The following GAD1 variants were observed in gnomAD, a reference collection of about 807,000 sequenced individuals.
The protein encoded by GAD1 is 67 kDa glutamic acid decarboxylase.
Under a neutral mutation model 75.2 loss-of-function variants are expected in GAD1, and 35 were observed. The ratio of observed to expected loss-of-function variants is 0.47; its 90% CI spans 0.36 to 0.62. The LOEUF (loss-of-function observed/expected upper bound fraction) is 0.62. Among genes scored for constraint, GAD1 ranks in the 20% least tolerant of loss-of-function variants. The pLI, the probability that GAD1 is intolerant of heterozygous loss-of-function variation, is 0.00. For missense variants in GAD1, 490 were observed against 758.5 expected (o/e 0.65, Z 4.16); for synonymous variants, 257 against 271.9 (o/e 0.95, Z 0.54).
intron 12 of GAD1, chr2:170,852,379 C>A: frequency 2.8e-6 from 1 of 362,602 alleles, no homozygotes; most frequent in Non-Finnish European, 5.2e-6. Context: ...AATATTAGAG[C>A]TAGGACTCAG....
intron 3 of GAD1, among the ~76,000 whole-genome samples, chr2:170,827,411 A>G (rs1200819640): frequency 6.6e-6 from 1 of 152,224 alleles, no homozygotes. Context: ...TTGGGCTAAG[A>G]CTGAGGCTGA....
intron 11 of GAD1, among the ~76,000 whole-genome samples, chr2:170,848,496 C>CA (rs368907107): frequency 0.11 from 6,826 of 63,716 alleles, 330 homozygotes; most frequent in East Asian, 0.36. Flanking sequence ...AACTCTGTCT[C>CA]AAAAAAAAAA....
intron 3 of GAD1, among the ~76,000 whole-genome samples, chr2:170,824,402 CACACACACACACACACA>C (rs1304559297): frequency 3.3e-5 from 5 of 151,402 alleles, no homozygotes; most frequent in East Asian, 2.0e-4. Context: ...CACACACACA[CACACACACACACACACA>C]CCCCTCCCTT....
chr2:170,823,245 T>G (rs1701939176), intron 3 of GAD1, among the ~76,000 whole-genome samples: 1 of 152,196 alleles, frequency 6.6e-6, no homozygotes, highest in Non-Finnish European at 1.5e-5. Flanking sequence ...CCGCCCGCCC[T>G]AGCCCCGGAG....
At chr2:170,829,436 G>C (rs1316800978) in intron 3 of GAD1, 39 bp from the exon 4 acceptor site, 1 of 1,611,220 alleles carries the variant, frequency 6.2e-7, no homozygotes. Flanking sequence ...GGGCTGGGCA[G>C]TTTGCAGCAC....
At chr2:170,852,894 G>C (rs1313133334) in intron 13 of GAD1, 102 bp downstream of exon 13, 1 of 974,038 alleles carries the variant, frequency 1.0e-6, no homozygotes, top group African/African-American at 1.6e-5. Flanking sequence ...GCTGACTCAC[G>C]AGATTGGCAG....
intron 5 of GAD1, among the ~76,000 whole-genome samples, chr2:170,835,298 C>A (rs1380574827): frequency 6.6e-6 from 1 of 152,090 alleles, no homozygotes; most frequent in Non-Finnish European, 1.5e-5. Context: ...AGAGATCTCC[C>A]CCTCCAACTC....
rs1280660110 is a variant in GAD1 at position 170,824,419 on chromosome 2, A to ACACC, written c.145+2271_145+2272insACCC. Among the ~76,000 whole-genome samples, 261 of 115,888 alleles carry ACACC rather than the reference A, an allele frequency of 2.3e-3. 1 individual carries two copies. Among genetic ancestry groups the ACACC allele is most frequent in the Non-Finnish European group, 3.8e-3 (209 of 54,882 alleles). The allele number at this position is 115,888 out of a possible 152,430, so 76.0% of individuals were successfully genotyped here. A position where few individuals can be genotyped will look rare whatever the true frequency, so the allele number is the denominator to read the frequency against. On this transcript the variant is annotated intron_variant, in intron 3 of 16. Coordinates refer to ENST00000358196, the MANE Select transcript of GAD1 (RefSeq NM_000817.3). Reference sequence around the variant, plus strand: ...CACACACACACACACACACACACACACCCCTCCCTTCATCCCTGGAGGGAT... The same window carrying ACACC: ...CACACACACACACACACACACACACACACCCCCCTCCCTTCATCCCTGGAGGGAT...
chr2:170,818,258 CG>C lies in GAD1; in HGVS notation c.-63-270del. 1 of 264,194 alleles carries C rather than the reference CG, an allele frequency of 3.8e-6. No homozygotes were observed. Among genetic ancestry groups the C allele is most frequent in the South Asian group, 4.0e-5 (1 of 25,016 alleles). The allele number at this position is 264,194 out of a possible 1,614,324, so 16.4% of individuals were successfully genotyped here. On this transcript the variant is annotated intron_variant, in intron 1 of 16. Coordinates refer to ENST00000358196, the MANE Select transcript of GAD1 (RefSeq NM_000817.3). This position sits in a 1 kb window ranked among gnomAD's most constrained non-coding sequence, Gnocchi z 5.9. ...CGACCCCGACCCCGCCTCGTCTCGGCGCTTCACTCCAGGTCGCGCCGATGCA... is the reference window on the plus strand; with the variant it reads ...CGACCCCGACCCCGCCTCGTCTCGGCCTTCACTCCAGGTCGCGCCGATGCA...
At chr2:170,825,185 A>T (rs1701994764) in intron 3 of GAD1, among the ~76,000 whole-genome samples, 1 of 152,134 alleles carries the variant, frequency 6.6e-6, no homozygotes, top group African/African-American at 2.4e-5. Flanking sequence ...CAGGAGTTTG[A>T]GACTAGCCTG....
intron 15 of GAD1, among the ~76,000 whole-genome samples, chr2:170,858,420 A>G (rs1702897578): frequency 6.6e-6 from 1 of 152,246 alleles, no homozygotes; most frequent in Non-Finnish European, 1.5e-5. Context: ...TCAATATAAT[A>G]AACTCAATAA....
In GAD1 at chr2:170,845,644, T is replaced by C. The variant is rs764434464; in HGVS notation, c.867+23T>C. 4.3e-6 allele frequency: 7 copies of C among 1,612,784 alleles called. No individual in the cohort carries two copies. In the East Asian group the frequency reaches 1.1e-4, roughly 26 times the overall value. On this transcript the variant is annotated intron_variant, in intron 8 of 16. Coordinates refer to ENST00000358196, the MANE Select transcript of GAD1 (RefSeq NM_000817.3). ...CAGGTGAGTCGGGGATGCTTTCTCA[T>C]GGATAGTGGTGTTTTTTAGGGGACT...
Position 170,818,772 on chromosome 2 carries a change from G to A in GAD1, c.82+99G>A. ...CTGGCGGAAAGGGAAGGGGGAGCGC[G>A]GAGATAATGGAGGCTGGGAAATAAA... On this transcript the variant is annotated intron_variant, in intron 2 of 16. Transcript: ENST00000358196. The surrounding 1 kb of genome is among the most constrained non-coding windows in gnomAD (Gnocchi z 5.9). 3.6e-6 allele frequency: 4 copies of A among 1,113,418 alleles called. No individual in the cohort carries two copies. The highest frequency in any genetic ancestry group is 2.4e-5 in the East Asian group (1 of 41,658). The allele number at this position is 1,113,418 out of a possible 1,614,324, so 69.0% of individuals were successfully genotyped here. A position where few individuals can be genotyped will look rare whatever the true frequency, so the allele number is the denominator to read the frequency against.
intron 10 of GAD1, among the ~76,000 whole-genome samples, chr2:170,846,810 A>G (rs1341772530): frequency 6.6e-6 from 1 of 152,184 alleles, no homozygotes; most frequent in Admixed American, 6.5e-5. Context: ...ATTCAAGACC[A>G]GCCTGGGCAA....
chr2:170,842,814 G>A, intron 6 of GAD1: 3 of 1,260,668 alleles, frequency 2.4e-6, no homozygotes, highest in Non-Finnish European at 3.2e-6. Context: ...TGATTAATTT[G>A]ACTGCTTTTT....
At chr2:170,856,940 G>A in intron 14 of GAD1, 78 bp from the exon 15 acceptor site, 2 of 1,112,126 alleles carry the variant, frequency 1.8e-6, no homozygotes, top group Non-Finnish European at 2.8e-6. Flanking sequence ...ATTTCCCATA[G>A]ACAGGGACAG....
chr2:170,853,220 A>T lies in GAD1; in HGVS notation c.1263+428A>T. On this transcript the variant is annotated intron_variant, in intron 13 of 16. Transcript: ENST00000358196. The surrounding 1 kb of genome is among the most constrained non-coding windows in gnomAD (Gnocchi z 4.1). ...AAATGAGACAGAACAACAACTACAA[A>T]TATCAACTTAGGGCCACAAGGAATA... The T allele has an allele frequency of 4.3e-6, 1 of 232,980 alleles. No homozygotes were observed. The highest frequency in any genetic ancestry group is 8.5e-6 in the Non-Finnish European group (1 of 117,048). The allele number at this position is 232,980 out of a possible 1,614,324, so 14.4% of individuals were successfully genotyped here. A position where few individuals can be genotyped will look rare whatever the true frequency, so the allele number is the denominator to read the frequency against.
intron 15 of GAD1, 28 bp from the exon 16 acceptor site, chr2:170,858,772 TTTTC>T (rs1168887759): frequency 1.7e-5 from 27 of 1,601,770 alleles, no homozygotes; most frequent in Non-Finnish European, 2.2e-5. Context: ...GTTATCCTAA[TTTTC>T]TTTGTTTGTC....
chr2:170,829,405 C>G, intron 3 of GAD1, 70 bp from the exon 4 acceptor site: 1 of 1,523,818 alleles, frequency 6.6e-7, no homozygotes, highest in Non-Finnish European at 9.1e-7. Flanking sequence ...AGAGTTGATT[C>G]ACTCTGCAGC....
Sources: allele counts gnomAD v4.1 joint callset (sites outside exome capture counted in the v4.1 genomes callset), GRCh38; gene constraint gnomAD v4.1.1; non-coding constraint Gnocchi (gnomAD v3.1); transcripts MANE v1.5; gene names NCBI Gene and HGNC (gene_info 2026-07-23, HGNC 2026-07-21).